Variants in POLR1A observed in about 807,000 individuals in gnomAD.
POLR1A encodes the protein DNA-directed RNA polymerase I subunit RPA1.
In POLR1A, 84 loss-of-function variants were observed where a neutral mutation model predicts 205.3. The ratio of observed to expected loss-of-function variants is 0.41; its 90% confidence interval spans 0.34 to 0.49. The LOEUF is 0.49. POLR1A is among the 20% of genes least tolerant of loss of function. POLR1A has a pLI of 0.22. For missense variants in POLR1A, 1,645 were observed against 2,204.5 expected (o/e 0.75, Z 5.08); for synonymous variants, 799 against 863.7 (o/e 0.93, Z 1.31).
chr2:86,100,046 C>A lies in POLR1A; in HGVS notation c.204G>T (p.Val68=), dbSNP rs1214348229. 6.2e-7 allele frequency: 1 copy of A among 1,614,082 alleles called. No homozygotes were observed. Among genetic ancestry groups the A allele is most frequent in the Admixed American group, 1.7e-5 (1 of 60,008 alleles). The stretch of plus-strand genomic sequence containing the variant: ...GCCCAGAACAGTTGCTGAAGTCCTG[C>A]ACGCAGGTGGAGCACACCTCTTTGG... ...ADSKEVCSTC[V]QDFSNCSGHL... The change falls in exon 2 of 34, where the codon GTG becomes GTT. Residue 68 remains valine, a synonymous_variant. Transcript: ENST00000263857.
intron 1 of POLR1A, among the ~76,000 whole-genome samples, chr2:86,101,444 G>C (rs964523773): frequency 5.3e-5 from 8 of 152,174 alleles, no homozygotes; most frequent in African/African-American, 1.9e-4. Context: ...CAAGGCGACA[G>C]GGAGGCAGAT....
chr2:86,100,191 C>A lies in POLR1A; in HGVS notation c.78-19G>T. On this transcript the variant is annotated intron_variant, in intron 1 of 33. Transcript: ENST00000263857. ...TAATTTCCTAAGGGGATAAAAAAGA[C>A]CAAGAGGAAAGCTAAAGTTACCAAC... 1 of 1,593,682 alleles carries A rather than the reference C, an allele frequency of 6.3e-7. No individual in the cohort carries two copies. The highest frequency in any genetic ancestry group is 8.6e-7 in the Non-Finnish European group (1 of 1,161,434).
Position 86,081,678 on chromosome 2 carries a change from T to A in POLR1A, c.846A>T (p.Gly282=). The A allele has an allele frequency of 6.2e-7, 1 of 1,610,412 alleles. No individual in the cohort carries two copies. The highest frequency in any genetic ancestry group is 1.1e-5 in the South Asian group (1 of 90,680). ...EGFFLNYLFS[G]MDDDGMESRF... ...TGGATTCCATACCATCATCATCCAT[T>A]CCCGAAAAAAGGTAGTTCAGAAAGA... is the stretch of plus-strand genomic sequence containing the variant. The change falls in exon 8 of 34, where the codon GGA becomes GGT. Residue 282 remains glycine, a synonymous_variant. Transcript: ENST00000263857.
At chr2:86,040,029 G>T in intron 25 of POLR1A, 1 of 214,398 alleles carries the variant, frequency 4.7e-6, no homozygotes, top group African/African-American at 2.3e-5. Context: ...CCACGTGGGG[G>T]CACGTTCTAT....
chr2:86,102,326 C>T (rs1204175521), intron 1 of POLR1A, among the ~76,000 whole-genome samples: 1 of 152,234 alleles, frequency 6.6e-6, no homozygotes, highest in Admixed American at 6.5e-5. Context: ...CTGATAGTAG[C>T]ACCCTACTGG....
chr2:86,024,475 G>A lies in POLR1A; in HGVS notation c.*2948C>T, dbSNP rs563659131. 4 of 152,418 alleles carry A rather than the reference G, an allele frequency of 2.6e-5. No individual in the cohort carries two copies. The highest frequency in any genetic ancestry group is 2.0e-4 in the Admixed American group (3 of 15,300). The allele number at this position is 152,418 out of a possible 1,614,324, so 9.4% of individuals were successfully genotyped here. On this transcript the variant is annotated 3_prime_UTR_variant, in exon 34 of 34. Coordinates refer to ENST00000263857, the MANE Select transcript of POLR1A (RefSeq NM_015425.6). ...AGTTCCAGACTGGGGATGAGACAAGGTGCTTCACCCCTTCCTCGGTTTTAT... is the reference window on the plus strand; with the variant it reads ...AGTTCCAGACTGGGGATGAGACAAGATGCTTCACCCCTTCCTCGGTTTTAT...
rs757210116 is a variant in POLR1A, at chr2:86,097,214, C to CAAAAAAAAAAAAAAAAAAAAAAAAAAAA, written c.432+1369_432+1396dup. 5.3e-4 allele frequency among the ~76,000 whole-genome samples: 21 copies of CAAAAAAAAAAAAAAAAAAAAAAAAAAAA among 39,694 alleles called. 5 individuals are homozygous for CAAAAAAAAAAAAAAAAAAAAAAAAAAAA. Among genetic ancestry groups the CAAAAAAAAAAAAAAAAAAAAAAAAAAAA allele is most frequent in the African/African-American group, 2.0e-3 (20 of 10,112 alleles). 26.0% of individuals were successfully genotyped at this position (39,694 alleles called of 152,430 possible). ...CATTAGGATGGCTATCCCCAAAAGA[C>CAAAAAAAAAAAAAAAAAAAAAAAAAAAA]AAAAAAAAAAAAAAAAAAAAAAAAA... is the stretch of plus-strand genomic sequence containing the variant. On this transcript the variant is annotated intron_variant, in intron 3 of 33. Transcript: ENST00000263857.
rs749201589 is a variant in POLR1A, at chr2:86,080,797, G to C, written c.1086+19C>G. 4 of 1,591,040 alleles carry C rather than the reference G, an allele frequency of 2.5e-6. No individual in the cohort carries two copies. Among genetic ancestry groups the C allele is most frequent in the Non-Finnish European group, 2.6e-6 (3 of 1,167,608 alleles). The stretch of plus-strand genomic sequence containing the variant: ...CTAAGCATGTGTGCTCATCACATCA[G>C]CAACAGAGCAGCCCTGACCTCATCT... On this transcript the variant is annotated intron_variant, in intron 9 of 33. Transcript: ENST00000263857.
chr2:86,087,868 C>T (rs1673529466), intron 6 of POLR1A, among the ~76,000 whole-genome samples: 1 of 152,128 alleles, frequency 6.6e-6, no homozygotes, highest in African/African-American at 2.4e-5. Flanking sequence ...TACCCTGGAA[C>T]ACTGATGACA....
intron 7 of POLR1A, among the ~76,000 whole-genome samples, chr2:86,082,239 T>C (rs1040304646): frequency 2.0e-5 from 3 of 152,140 alleles, no homozygotes; most frequent in Non-Finnish European, 4.4e-5. Context: ...CAATAGCTCT[T>C]AAACCAGGGA....
chr2:86,046,805 G>A (rs187086028), intron 19 of POLR1A, among the ~76,000 whole-genome samples: 95 of 152,022 alleles, frequency 6.2e-4, no homozygotes, highest in Admixed American at 5.0e-3. Context: ...ACTCCAGCCC[G>A]GTGACAGAGC....
chr2:86,041,410 G>A (rs887542080), intron 24 of POLR1A, among the ~76,000 whole-genome samples: 1 of 152,048 alleles, frequency 6.6e-6, no homozygotes, highest in Non-Finnish European at 1.5e-5. Flanking sequence ...GTGTGTGTGT[G>A]TGTCTGTCCT....
In POLR1A at chr2:86,025,238, G is replaced by A. The variant is rs1690240497; in HGVS notation, c.*2185C>T. ...AAAATGACAACGCAGATTAGTCCAT[G>A]TTCTTGAATCCATCCATCAGATTTG... is the stretch of plus-strand genomic sequence containing the variant. On this transcript the variant is annotated 3_prime_UTR_variant, in exon 34 of 34. Coordinates refer to ENST00000263857, the MANE Select transcript of POLR1A (RefSeq NM_015425.6). 6.6e-6 allele frequency: 1 copy of A among 152,214 alleles called. No individual in the cohort carries two copies. The highest frequency in any genetic ancestry group is 1.5e-5 in the Non-Finnish European group (1 of 68,046). The allele number at this position is 152,214 out of a possible 1,614,324, so 9.4% of individuals were successfully genotyped here. A position where few individuals can be genotyped will look rare whatever the true frequency, so the allele number is the denominator to read the frequency against.
At chr2:86,065,728 G>A (rs574692501) in intron 13 of POLR1A, 50 of 407,694 alleles carry the variant, frequency 1.2e-4, no homozygotes, top group South Asian at 2.3e-4. Flanking sequence ...CCGTTCCCCC[G>A]GCCTTCTCTG....
chr2:86,038,915 TG>T (rs1315487928), intron 26 of POLR1A, 58 bp from the exon 27 acceptor site: 5 of 1,518,612 alleles, frequency 3.3e-6, no homozygotes, highest in Non-Finnish European at 3.7e-6. Flanking sequence ...GACTGCGCAA[TG>T]TGAGTGGGTT....
In POLR1A at chr2:86,030,327, C is replaced by G. The variant is rs1331157437; in HGVS notation, c.4648G>C (p.Gly1550Arg). Residue 1550 changes from glycine (G) to arginine (R), a missense_variant, in exon 31 of 34, where the codon GGT becomes CGT. By Grantham distance (125) the Gly-to-Arg change is moderately radical. Coordinates refer to ENST00000263857, the MANE Select transcript of POLR1A (RefSeq NM_015425.6). ...CCCTTGGTCGCATAGATGACGGCAC[C>G]ATGGGCCAAAGATACTACCAGGGAG... is the stretch of plus-strand genomic sequence containing the variant. ...MSSLVVSLAH[G>R]AVIYATKGIT... The G allele has an allele frequency of 4.3e-6, 7 of 1,614,004 alleles. No individual in the cohort carries two copies. The highest frequency in any genetic ancestry group is 5.9e-6 in the Non-Finnish European group (7 of 1,179,970).
intron 8 of POLR1A, 60 bp from the exon 9 acceptor site, chr2:86,081,038 A>G (rs1381788620): frequency 1.3e-6 from 2 of 1,488,694 alleles, no homozygotes; most frequent in East Asian, 2.3e-5. Flanking sequence ...CATGTTCTTC[A>G]GCCTCTCACC....
intron 11 of POLR1A, among the ~76,000 whole-genome samples, 161 bp downstream of exon 11, chr2:86,077,698 C>T (rs1285791141): frequency 6.6e-6 from 1 of 152,142 alleles, no homozygotes; most frequent in African/African-American, 2.4e-5. Flanking sequence ...CAGGAAGAGG[C>T]AGAAGCTAGT....
chr2:86,083,238 C>A, intron 6 of POLR1A, 70 bp from the exon 7 acceptor site: 1 of 1,085,310 alleles, frequency 9.2e-7, no homozygotes, highest in South Asian at 1.3e-5. Context: ...TGGGATTTAT[C>A]AATTCTTTAT....
Sources: allele counts gnomAD v4.1 joint callset (sites outside exome capture counted in the v4.1 genomes callset), GRCh38; gene constraint gnomAD v4.1.1; transcripts MANE v1.5; gene names NCBI Gene and HGNC (gene_info 2026-07-23, HGNC 2026-07-21).